Variants in ZNF718 observed in about 807,000 individuals in gnomAD.
ZNF718 encodes the protein zinc finger protein 718.
A neutral mutation model predicts 2.6 loss-of-function variants in ZNF718; 3 were observed. The ratio of observed to expected loss-of-function variants is 1.16; its 90% CI spans 0.53 to 3.01. The LOEUF is 3.01. Among genes scored for constraint, ZNF718 ranks in the 30% most tolerant of loss-of-function variants. The pLI is 0.03. For synonymous variants in ZNF718, 135 were observed against 77.9 expected, an observed-to-expected ratio of 1.73 and a Z score of -3.86; for missense variants, 468 against 230.0, an observed-to-expected ratio of 2.03 and a Z score of -6.69.
At chr4:142,086 A>C in intron 3 of ZNF718, 1 of 519,710 alleles carries the variant, frequency 1.9e-6, no homozygotes, top group Non-Finnish European at 3.9e-6. Flanking sequence ...TTTGGGCTTT[A>C]GGTTAACGGG....
chr4:181,770 T>C (rs1216608191), intron 3 of ZNF718, among the ~76,000 whole-genome samples: 1 of 152,124 alleles, frequency 6.6e-6, no homozygotes, highest in African/African-American at 2.4e-5. Context: ...GTCACCCAGG[T>C]ATTAAGCCCA....
Position 127,653 on chromosome 4 carries a change from T to C in ZNF718, c.3+2980T>C, listed in dbSNP as rs1715270512. On this transcript the variant is annotated intron_variant, in intron 1 of 3. Transcript: ENST00000510175. ...ATTTGAGAAATACATGTTCTTTTAATGATCAGACCCAGAGACTGGTTAAAA... is the reference window on the plus strand; with the variant it reads ...ATTTGAGAAATACATGTTCTTTTAACGATCAGACCCAGAGACTGGTTAAAA... Among the ~76,000 whole-genome samples the C allele has an allele frequency of 2.8e-5, 3 of 105,436 alleles. 1 individual carries two copies. The highest frequency in any genetic ancestry group is 2.0e-4 in the Admixed American group (2 of 9,872). 69.2% of individuals were successfully genotyped at this position (105,436 alleles called of 152,430 possible).
intron 3 of ZNF718, among the ~76,000 whole-genome samples, chr4:138,290 A>C (rs1425269602): frequency 6.6e-6 from 1 of 152,186 alleles, no homozygotes; most frequent in Non-Finnish European, 1.5e-5. Flanking sequence ...GTCCCCTGCT[A>C]CACTTTCCAG....
At chr4:200,236 G>A (rs187701698) in intron 3 of ZNF718, among the ~76,000 whole-genome samples, 62 of 151,528 alleles carry the variant, frequency 4.1e-4, no homozygotes, top group African/African-American at 1.4e-3. Context: ...GAGGAAGGAG[G>A]AGGTTTTTTT....
downstream of ZNF718, among the ~76,000 whole-genome samples, chr4:167,411 A>T (rs1717115610): frequency 6.6e-6 from 1 of 152,090 alleles, no homozygotes; most frequent in Admixed American, 6.6e-5. Context: ...CTTGATGGGG[A>T]TGGCATTGAA....
intron 3 of ZNF718, among the ~76,000 whole-genome samples, chr4:188,361 G>A (rs73793538): frequency 0.043 from 6,481 of 152,314 alleles, 360 homozygotes; most frequent in African/African-American, 0.13. Flanking sequence ...CAAAGCCAAC[G>A]TCCAAGCAGC....
chr4:142,997 C>T (rs551662328), intron 3 of ZNF718, among the ~76,000 whole-genome samples: 2 of 152,126 alleles, frequency 1.3e-5, no homozygotes, highest in Non-Finnish European at 2.9e-5. Context: ...TTGCATGCAG[C>T]CATCTCTAGG....
At chr4:146,521 T>C (rs1716072337) in intron 3 of ZNF718, among the ~76,000 whole-genome samples, 3 of 152,122 alleles carry the variant, frequency 2.0e-5, no homozygotes, top group African/African-American at 7.2e-5. Flanking sequence ...GCAAGTTTTT[T>C]ATCAAGTTCT....
At chr4:188,213 C>A (rs1331650352) in intron 3 of ZNF718, among the ~76,000 whole-genome samples, 2 of 152,078 alleles carry the variant, frequency 1.3e-5, no homozygotes, top group Non-Finnish European at 2.9e-5. Context: ...GGCTGGAGGC[C>A]CCTGCTGGGA....
chr4:171,225 CA>C (rs1717220368), intron 3 of ZNF718, among the ~76,000 whole-genome samples: 1 of 152,134 alleles, frequency 6.6e-6, no homozygotes, highest in Non-Finnish European at 1.5e-5. Context: ...TCGGAGTACC[CA>C]GCCATGTGAG....
intron 3 of ZNF718, among the ~76,000 whole-genome samples, chr4:170,360 C>T (rs555480618): frequency 6.6e-5 from 10 of 152,012 alleles, no homozygotes; most frequent in East Asian, 1.9e-4. Context: ...ATCTTTGTGG[C>T]GATCTCTGTA....
intron 3 of ZNF718, among the ~76,000 whole-genome samples, chr4:198,200 C>A (rs1394816856): frequency 1.3e-5 from 2 of 152,230 alleles, no homozygotes; most frequent in Admixed American, 6.5e-5. Flanking sequence ...AAAAACCCAG[C>A]AGCACAATAA....
intron 3 of ZNF718, among the ~76,000 whole-genome samples, chr4:176,247 C>T (rs1352345645): frequency 2.6e-5 from 4 of 152,158 alleles, no homozygotes; most frequent in African/African-American, 9.7e-5. Flanking sequence ...GGCCACAATA[C>T]AAGAATGGGC....
rs1441473680 is a variant in ZNF718, at chr4:131,407, C to G, written c.131-3C>G. 2.9e-5 allele frequency: 13 copies of G among 446,934 alleles called. 4 individuals are homozygous for G. Among genetic ancestry groups the G allele is most frequent in the African/African-American group, 2.5e-4 (10 of 39,454 alleles). The allele number at this position is 446,934 out of a possible 1,614,324, so 27.7% of individuals were successfully genotyped here. A position where few individuals can be genotyped will look rare whatever the true frequency, so the allele number is the denominator to read the frequency against. ...CATGTTAATTTTTTTTTTAATAAAA[C>G]AGGTGTTAGTATCTCTAACCCAGAC... On this transcript the variant is annotated splice_polypyrimidine_tract_variant and splice_region_variant and intron_variant, in intron 2 of 3. Coordinates refer to ENST00000510175, the MANE Select transcript of ZNF718 (RefSeq NM_001039127.6).
At chr4:151,069 C>G (rs1358338848) in intron 3 of ZNF718, among the ~76,000 whole-genome samples, 1 of 152,086 alleles carries the variant, frequency 6.6e-6, no homozygotes, top group Non-Finnish European at 1.5e-5. Flanking sequence ...TCTATACAGT[C>G]TCACTAACAA....
intron 3 of ZNF718, among the ~76,000 whole-genome samples, chr4:156,912 T>C (rs1267029815): frequency 6.6e-6 from 1 of 152,150 alleles, no homozygotes; most frequent in East Asian, 1.9e-4. Context: ...AGTGTACAAA[T>C]TACTCTTCAT....
At chr4:141,444 TA>T (rs575420249) in intron 3 of ZNF718, among the ~76,000 whole-genome samples, 3 of 152,224 alleles carry the variant, frequency 2.0e-5, no homozygotes, top group African/African-American at 7.2e-5. Flanking sequence ...GTTTGGCAAT[TA>T]TTTTTTTAAA....
At chr4:164,495 T>G (rs1403394275), downstream of ZNF718, among the ~76,000 whole-genome samples, 1 of 152,094 alleles carries the variant, frequency 6.6e-6, no homozygotes, top group African/African-American at 2.4e-5. Context: ...TTGTGCAAAT[T>G]ATCTGTTTTG....
At chr4:142,334 C>G (rs1477074810) in intron 3 of ZNF718, among the ~76,000 whole-genome samples, 2 of 152,144 alleles carry the variant, frequency 1.3e-5, no homozygotes, top group African/African-American at 2.4e-5. Flanking sequence ...GAGTATACTT[C>G]TATTTGTGAA....
Sources: gnomAD v4.1 joint callset for allele counts (sites outside exome capture counted in the v4.1 genomes callset) on GRCh38, gnomAD v4.1.1 for gene constraint, MANE v1.5 for transcripts, NCBI Gene and HGNC (gene_info 2026-07-23, HGNC 2026-07-21) for gene names.